Variants in ADORA3 observed in about 807,000 individuals in gnomAD.
ADORA3 encodes adenosine A3 receptor.
A neutral mutation model predicts 5.7 loss-of-function variants in ADORA3; 3 were observed. That is an observed-to-expected ratio of 0.52 (90% CI 0.24 to 1.35). The LOEUF is 1.35. Among genes scored for constraint, ADORA3 ranks in the 40% most tolerant of loss-of-function variants. The probability of loss-of-function intolerance (pLI) is 0.17; values close to 1 mark genes in which losing one functional copy is unlikely to be tolerated. For missense variants in ADORA3, 343 were observed against 389.0 expected (o/e 0.88, Z 0.99); for synonymous variants, 168 against 152.3 (o/e 1.10, Z -0.76).
intron 1 of ADORA3, 58 bp from the exon 2 acceptor site, chr1:111,500,614 G>T: frequency 6.6e-7 from 1 of 1,515,898 alleles, no homozygotes; most frequent in Non-Finnish European, 9.1e-7. Context: ...GGGTAGGGGA[G>T]ATGGAGCTGG....
Position 111,500,085 on chromosome 1 carries a change from G to A in ADORA3, c.822C>T (p.Asn274=). 1 of 1,614,218 alleles carries A rather than the reference G, an allele frequency of 6.2e-7. No homozygotes were observed. The highest frequency in any genetic ancestry group is 8.5e-7 in the Non-Finnish European group (1 of 1,180,036). The change falls in exon 2 of 2, where the codon AAC becomes AAT. Residue 274 remains asparagine, a synonymous_variant. Transcript: ENST00000241356. ...LYMGILLSHA[N]SMMNPIVYAY... is the part of the protein sequence containing the mutation. ...CATAGACGATAGGGTTCATCATGGA[G>A]TTGGCATGGGACAGCAGGATGCCCA...
intron 1 of ADORA3, among the ~76,000 whole-genome samples, chr1:111,502,126 G>A (rs1655225538): frequency 4.8e-5 from 3 of 62,074 alleles, no homozygotes; most frequent in South Asian, 4.3e-4. Flanking sequence ...AAATATATAG[G>A]ATATATATTT....
rs35986308 is a variant in ADORA3, at chr1:111,503,033, G to C, written c.322C>G (p.Arg108Gly). The C allele has an allele frequency of 6.2e-7, 1 of 1,614,000 alleles. No homozygotes were observed. Among genetic ancestry groups the C allele is most frequent in the Non-Finnish European group, 8.5e-7 (1 of 1,180,030 alleles). ...IMSLLAIAVD[R>G]YLRVKLTVRY... ...ACGGTAAGCTTGACCCGCAAGTATC[G>C]GTCCACAGCGATGGCCAGCAAGGAC... is the stretch of plus-strand genomic sequence containing the variant. The change falls in exon 1 of 2, where the codon CGA becomes GGA. Residue 108 changes from arginine to glycine, a missense_variant. Coordinates refer to ENST00000241356, the MANE Select transcript of ADORA3 (RefSeq NM_000677.4).
chr1:111,500,185 A>G lies in ADORA3; in HGVS notation c.722T>C (p.Leu241Pro), dbSNP rs1393778125. ...SLFLVLFLFA[L>P]SWLPLSIINC... ...GATGATAGATAAAGGCAGCCATGACAGAGCAAACAAGAAAAGAACCAGAAA... is the reference window on the plus strand; with the variant it reads ...GATGATAGATAAAGGCAGCCATGACGGAGCAAACAAGAAAAGAACCAGAAA... The change falls in exon 2 of 2, where the codon CTG (leucine) becomes CCG (proline). Residue 241 changes from leucine to proline, a missense_variant. Coordinates refer to ENST00000241356, the MANE Select transcript of ADORA3 (RefSeq NM_000677.4). 2 of 1,614,216 alleles carry G rather than the reference A, an allele frequency of 1.2e-6. No individual in the cohort carries two copies. Among genetic ancestry groups the G allele is most frequent in the Admixed American group, 3.3e-5 (2 of 60,024 alleles).
Position 111,500,476 on chromosome 1 carries a change from G to A in ADORA3, c.431C>T (p.Thr144Ile). The A allele has an allele frequency of 6.2e-7, 1 of 1,614,184 alleles. No homozygotes were observed. Among genetic ancestry groups the A allele is most frequent in the South Asian group, 1.1e-5 (1 of 91,086 alleles). ...CWLVSFLVGL[T>I]PMFGWNMKLT... ...TTTCATGTTCCAGCCAAACATGGGGGTCAATCCCACCAGGAATGACACCAG... is the reference window on the plus strand; with the variant it reads ...TTTCATGTTCCAGCCAAACATGGGGATCAATCCCACCAGGAATGACACCAG... The change falls in exon 2 of 2, where the codon ACC becomes ATC. Residue 144 changes from threonine to isoleucine, a missense_variant. Coordinates refer to ENST00000241356, the MANE Select transcript of ADORA3 (RefSeq NM_000677.4).
chr1:111,500,343 G>T lies in ADORA3; in HGVS notation c.564C>A (p.Ile188=), dbSNP rs150852561. 66 of 1,614,220 alleles carry T rather than the reference G, an allele frequency of 4.1e-5. No homozygotes were observed. The highest frequency in any genetic ancestry group is 5.3e-5 in the Non-Finnish European group (62 of 1,180,032). The change falls in exon 2 of 2, where the codon ATC becomes ATA. Residue 188 remains isoleucine (I), a synonymous_variant. Coordinates refer to ENST00000241356, the MANE Select transcript of ADORA3 (RefSeq NM_000677.4). The part of the protein sequence containing the change: ...VYFSFLTWIF[I]PLVVMCAIYL... ...AGATGGCGCACATGACAACCAGGGG[G>T]ATGAAAATCCAGGTGAGGAAGCTGA...
chr1:111,500,300 T>C lies in ADORA3; in HGVS notation c.607A>G (p.Ile203Val), dbSNP rs1655103827. The change falls in exon 2 of 2, where the codon ATC (isoleucine) becomes GTC (valine). Residue 203 changes from isoleucine to valine, a missense_variant. Ile to Val is a conservative substitution (Grantham distance 29, BLOSUM62 3). Coordinates refer to ENST00000241356, the MANE Select transcript of ADORA3 (RefSeq NM_000677.4). Reference protein sequence around the residue: ...MCAIYLDIFYIIRNKLSLNLS... With the variant: ...MCAIYLDIFYVIRNKLSLNLS... ...TTCAGACTGAGTTTGTTCCGAATGATGTAAAAGATGTCAAGATAGATGGCG... is the reference window on the plus strand; with the variant it reads ...TTCAGACTGAGTTTGTTCCGAATGACGTAAAAGATGTCAAGATAGATGGCG... 1 of 1,614,074 alleles carries C rather than the reference T, an allele frequency of 6.2e-7. No individual in the cohort carries two copies.
chr1:111,500,706 T>A (rs2798566), intron 1 of ADORA3, 150 bp from the exon 2 acceptor site: 4 of 738,832 alleles, frequency 5.4e-6, no homozygotes, highest in South Asian at 1.8e-5. Flanking sequence ...AGCATTGATA[T>A]CCTATGGTGA....
In ADORA3 at chr1:111,500,153, T is replaced by G. The variant is rs887470121; in HGVS notation, c.754A>C (p.Ile252Leu). ...SWLPLSIINCIIYFNGEVPQL... is the reference protein window; with the variant it reads ...SWLPLSIINCLIYFNGEVPQL... ...GGTACCTCACCATTAAAGTAGATGA[T>G]GCAGTTGATGATAGATAAAGGCAGC... Residue 252 changes from isoleucine to leucine, a missense_variant, in exon 2 of 2, where the codon ATC (isoleucine) becomes CTC (leucine). Physicochemically the swap from Ile to Leu is conservative, Grantham distance 5 (BLOSUM62 2). Coordinates refer to ENST00000241356, the MANE Select transcript of ADORA3 (RefSeq NM_000677.4). 6.2e-7 allele frequency: 1 copy of G among 1,613,984 alleles called. No homozygotes were observed. Among genetic ancestry groups the G allele is most frequent in the African/African-American group, 1.3e-5 (1 of 74,896 alleles).
rs1297855940 is a variant in ADORA3 at position 111,500,044 on chromosome 1, T to G, written c.863A>C (p.Lys288Thr). 4 of 1,614,120 alleles carry G rather than the reference T, an allele frequency of 2.5e-6. No homozygotes were observed. Among genetic ancestry groups the G allele is most frequent in the Admixed American group, 3.3e-5 (2 of 60,008 alleles). The stretch of plus-strand genomic sequence containing the variant: ...GATCAAAAGGTAGGTTTCCTTGAAC[T>G]TCTTTATTTTATAGGCATAGACGAT... ...NPIVYAYKIK[K>T]FKETYLLILK... Residue 288 changes from lysine (K) to threonine (T), a missense_variant, in exon 2 of 2, where the codon AAG (lysine) becomes ACG (threonine). Coordinates refer to ENST00000241356, the MANE Select transcript of ADORA3 (RefSeq NM_000677.4).
Position 111,503,221 on chromosome 1 carries a change from G to A in ADORA3, c.134C>T (p.Thr45Ile). ...AGAGACAATGAAATAGAAGGTGGTG[G>A]TCTGCAGGCTGGGGTTCAGCTTGAC... ...CVVKLNPSLQ[T>I]TTFYFIVSLA... The change falls in exon 1 of 2, where the codon ACC becomes ATC. Residue 45 changes from threonine to isoleucine, a missense_variant. Transcript: ENST00000241356. The A allele has an allele frequency of 6.2e-7, 1 of 1,614,260 alleles. No individual in the cohort carries two copies. The highest frequency in any genetic ancestry group is 1.3e-5 in the African/African-American group (1 of 75,072).
In ADORA3 at chr1:111,499,581, T is replaced by G. The variant is rs1005427736; in HGVS notation, c.*369A>C. 1.1e-5 allele frequency: 11 copies of G among 1,027,648 alleles called. No homozygotes were observed. The highest frequency in any genetic ancestry group is 1.3e-5 in the Non-Finnish European group (11 of 854,374). The allele number at this position is 1,027,648 out of a possible 1,614,324, so 63.7% of individuals were successfully genotyped here. A position where few individuals can be genotyped will look rare whatever the true frequency, so the allele number is the denominator to read the frequency against. On this transcript the variant is annotated 3_prime_UTR_variant, in exon 2 of 2. Transcript: ENST00000241356. Reference sequence around the variant, plus strand: ...GCTCAATTCCACAATGGTATGGAAATGAGTCACCACCACACACATGTTCAG... The same window carrying G: ...GCTCAATTCCACAATGGTATGGAAAGGAGTCACCACCACACACATGTTCAG...
chr1:111,503,112 G>T lies in ADORA3; in HGVS notation c.243C>A (p.Tyr81Ter), dbSNP rs146244517. 97 of 1,614,082 alleles carry T rather than the reference G, an allele frequency of 6.0e-5. No homozygotes were observed. The highest frequency in any genetic ancestry group is 7.9e-5 in the Non-Finnish European group (93 of 1,180,026). Reference sequence around the variant, plus strand: ...GTAGGCAAGTCATAAAAAGGCAGCTGTAGAAGTGGATTGTGATGCCCAGGC... The same window carrying T: ...GTAGGCAAGTCATAAAAAGGCAGCTTTAGAAGTGGATTGTGATGCCCAGGC... ...VVSLGITIHFYSCLFMTCLLL... is the reference protein window; with the variant it reads ...VVSLGITIHF Residue 81 changes from tyrosine (Y) to a stop codon, truncating the protein, a stop_gained, in exon 1 of 2, where the codon TAC (tyrosine) becomes TAA (stop). Transcript: ENST00000241356. LOFTEE classifies it high-confidence loss of function.
At position 111,503,296 on chromosome 1, in the gene ADORA3, A is replaced by C. The variant is rs1414825984; in HGVS notation, c.59T>G (p.Ile20Ser). Residue 20 changes from isoleucine (I) to serine (S), a missense_variant, in exon 1 of 2, where the codon ATT becomes AGT. By Grantham distance (142) the Ile-to-Ser change is moderately radical. Coordinates refer to ENST00000241356, the MANE Select transcript of ADORA3 (RefSeq NM_000677.4). ...LANVTYITME[I>S]FIGLCAIVGN... ...CACTATGGCGCAGAGTCCAATGAAAATTTCCATGGTGATGTAGGTAACATT... is the reference window on the plus strand; with the variant it reads ...CACTATGGCGCAGAGTCCAATGAAACTTTCCATGGTGATGTAGGTAACATT... 7 of 1,614,116 alleles carry C rather than the reference A, an allele frequency of 4.3e-6. No homozygotes were observed. The highest frequency in any genetic ancestry group is 5.1e-6 in the Non-Finnish European group (6 of 1,180,008).
chr1:111,502,115 T>A (rs1391332632), intron 1 of ADORA3, among the ~76,000 whole-genome samples: 3 of 105,744 alleles, frequency 2.8e-5, no homozygotes, highest in African/African-American at 1.0e-4. Context: ...TTTAATATAA[T>A]AAATATATAG....
Position 111,503,191 on chromosome 1 carries a change from G to T in ADORA3, c.164C>A (p.Ala55Asp). ...CACCCCAACAGCAATGTCAGCCAGG[G>T]CTAGAGAGACAATGAAATAGAAGGT... ...TTTFYFIVSLALADIAVGVLV... is the reference protein window; with the variant it reads ...TTTFYFIVSLDLADIAVGVLV... Residue 55 changes from alanine to aspartate, a missense_variant, in exon 1 of 2, where the codon GCC becomes GAC. Coordinates refer to ENST00000241356, the MANE Select transcript of ADORA3 (RefSeq NM_000677.4). The T allele has an allele frequency of 6.2e-7, 1 of 1,614,262 alleles. No homozygotes were observed. Among genetic ancestry groups the T allele is most frequent in the African/African-American group, 1.3e-5 (1 of 75,070 alleles).
chr1:111,502,492 A>G (rs1655291565), intron 1 of ADORA3, among the ~76,000 whole-genome samples: 1 of 141,208 alleles, frequency 7.1e-6, no homozygotes, highest in African/African-American at 2.6e-5. Context: ...ATATATATAT[A>G]TTGGAATATA....
Position 111,503,210 on chromosome 1 carries a change from A to C in ADORA3, c.145T>G (p.Tyr49Asp), listed in dbSNP as rs374292361. 6.2e-7 allele frequency: 1 copy of C among 1,614,142 alleles called. No homozygotes were observed. The highest frequency in any genetic ancestry group is 8.5e-7 in the Non-Finnish European group (1 of 1,180,048). Residue 49 changes from tyrosine to aspartate, a missense_variant, in exon 1 of 2, where the codon TAT becomes GAT. Physicochemically the swap from Tyr to Asp is radical, Grantham distance 160 (BLOSUM62 -3). Coordinates refer to ENST00000241356, the MANE Select transcript of ADORA3 (RefSeq NM_000677.4). ...GCCAGGGCTAGAGAGACAATGAAAT[A>C]GAAGGTGGTGGTCTGCAGGCTGGGG... ...LNPSLQTTTF[Y>D]FIVSLALADI...
At chr1:111,500,849 C>T in intron 1 of ADORA3, 3 of 501,570 alleles carry the variant, frequency 6.0e-6, no homozygotes, top group Admixed American at 3.6e-5. Flanking sequence ...TGCCTAGAGT[C>T]AAGTGCTTAC....
Sources: gnomAD v4.1 joint callset for allele counts (sites outside exome capture counted in the v4.1 genomes callset) on GRCh38, gnomAD v4.1.1 for gene constraint, MANE v1.5 for transcripts, NCBI Gene and HGNC (gene_info 2026-07-23, HGNC 2026-07-21) for gene names.